NLGN4X: variants seen among roughly 807,000 people sequenced by gnomAD.
NLGN4X encodes neuroligin 4 X-linked, also known as neuroligin-4, X-linked.
A neutral mutation model predicts 40.3 loss-of-function variants in NLGN4X; 3 were observed. That is an observed-to-expected ratio of 0.07 (90% CI 0.03 to 0.19). The LOEUF (loss-of-function observed/expected upper bound fraction) is 0.19. Ranked by LOEUF, NLGN4X falls within the 10% of genes least tolerant of loss-of-function variation. The pLI, the probability that NLGN4X is intolerant of heterozygous loss-of-function variation, is 1.00. For synonymous variants in NLGN4X, 270 were observed against 306.8 expected, an observed-to-expected ratio of 0.88 and a Z score of 1.25; for missense variants, 382 against 708.3, an observed-to-expected ratio of 0.54 and a Z score of 5.23.
intron 2 of NLGN4X, among the ~76,000 whole-genome samples, chrX:6,082,333 C>T: frequency 9.4e-6 from 1 of 106,347 alleles, no homozygotes; most frequent in Non-Finnish European, 1.9e-5. Flanking sequence ...CCCAGGAATT[C>T]AAAAACAGCC....
chrX:5,978,966 GTT>G (rs2035292102), intron 3 of NLGN4X, among the ~76,000 whole-genome samples: 1 of 110,695 alleles, frequency 9.0e-6, no homozygotes, highest in East Asian at 2.8e-4. Flanking sequence ...GTGAGACTCT[GTT>G]TAAAATATAC....
intron 2 of NLGN4X, among the ~76,000 whole-genome samples, chrX:6,125,356 G>A (rs2039517588): frequency 9.1e-6 from 1 of 110,260 alleles, no homozygotes; most frequent in South Asian, 3.8e-4. Context: ...CTAGTTTATC[G>A]AAAAGCTTAA....
At chrX:6,159,501 G>A (rs1203769909) in intron 1 of NLGN4X, among the ~76,000 whole-genome samples, 1 of 111,854 alleles carries the variant, frequency 8.9e-6, no homozygotes, top group African/African-American at 3.2e-5. Flanking sequence ...AACTATCTTG[G>A]ATTTAAAAAT....
chrX:6,007,702 A>G (rs7886545), intron 3 of NLGN4X, among the ~76,000 whole-genome samples: 8,237 of 111,440 alleles, frequency 0.074, 699 homozygotes, highest in African/African-American at 0.24. Flanking sequence ...CCATATGACA[A>G]ATGGAATGGA....
At chrX:6,091,515 T>TA (rs1238966883) in intron 2 of NLGN4X, among the ~76,000 whole-genome samples, 1 of 111,441 alleles carries the variant, frequency 9.0e-6, no homozygotes, top group African/African-American at 3.3e-5. Context: ...CTTAGAGTAT[T>TA]AAAGGAGATT....
intron 2 of NLGN4X, among the ~76,000 whole-genome samples, chrX:6,145,505 T>C (rs1187737323): frequency 8.9e-6 from 1 of 111,975 alleles, no homozygotes; most frequent in Non-Finnish European, 1.9e-5. Context: ...ATTTCCATTT[T>C]TTCCCTCAAA....
intron 1 of NLGN4X, among the ~76,000 whole-genome samples, chrX:6,212,491 G>A (rs1007469677): frequency 9.0e-6 from 1 of 111,211 alleles, no homozygotes. Flanking sequence ...CCTGATCAAT[G>A]GGGTCCTCTG....
At chrX:5,987,420 A>C (rs184395790) in intron 3 of NLGN4X, among the ~76,000 whole-genome samples, 1 of 112,918 alleles carries the variant, frequency 8.9e-6, no homozygotes, top group Admixed American at 9.3e-5. Flanking sequence ...GATGGAAACT[A>C]TATTTCTTCA....
intron 3 of NLGN4X, among the ~76,000 whole-genome samples, chrX:6,021,002 TTCTCTCTCTCTCTC>T (rs869309615): frequency 1.1e-3 from 26 of 24,093 alleles, no homozygotes; most frequent in East Asian, 2.6e-3. Context: ...CTTCCTTCTT[TTCTCTCTCTCTCTC>T]TCTCTCTCTC....
chrX:5,950,362 T>C (rs866732862), intron 3 of NLGN4X, among the ~76,000 whole-genome samples: 3 of 112,241 alleles, frequency 2.7e-5, no homozygotes, highest in Middle Eastern at 9.2e-3. Context: ...TTTATAAATA[T>C]TGGGATACAT....
chrX:6,082,797 G>C (rs1289294677), intron 2 of NLGN4X, among the ~76,000 whole-genome samples: 1 of 108,824 alleles, frequency 9.2e-6, no homozygotes, highest in Non-Finnish European at 1.9e-5. Flanking sequence ...TGAGCTGTTT[G>C]TTCCAAGGGG....
intron 3 of NLGN4X, among the ~76,000 whole-genome samples, chrX:6,000,198 C>CT (rs2035937944): frequency 8.9e-6 from 1 of 112,217 alleles, no homozygotes; most frequent in South Asian, 3.7e-4. Context: ...CACAACTCCT[C>CT]TTTTTTCCAG....
Position 6,215,471 on chromosome X carries a change from C to T in NLGN4X, c.-306+13070G>A, listed in dbSNP as rs934255485. Among the ~76,000 whole-genome samples, 6 of 108,899 alleles carry T rather than the reference C, an allele frequency of 5.5e-5. No individual in the cohort carries two copies. In the East Asian group the frequency reaches 1.1e-3, roughly 21 times the overall value. The allele number at this position is 108,899 out of a possible 115,157, so 94.6% of individuals were successfully genotyped here. On this transcript the variant is annotated intron_variant, in intron 1 of 5. Transcript: ENST00000381095. Reference sequence around the variant, plus strand: ...GACTGAGGCAGGAGAAACACTTGAACCTGGGAGGCAGAGGTTGCGGTGAGC... The same window carrying T: ...GACTGAGGCAGGAGAAACACTTGAATCTGGGAGGCAGAGGTTGCGGTGAGC...
In NLGN4X at chrX:6,096,401, G is replaced by A. The variant is rs142111512; in HGVS notation, c.472+54594C>T. 4.1e-3 allele frequency among the ~76,000 whole-genome samples: 463 copies of A among 111,661 alleles called. 1 individual carries two copies. Among genetic ancestry groups the A allele is most frequent in the African/African-American group, 0.014 (435 of 30,766 alleles). On this transcript the variant is annotated intron_variant, in intron 2 of 5. Coordinates refer to ENST00000381095, the MANE Select transcript of NLGN4X (RefSeq NM_181332.3). ...ATCTGAAATCACAGCCATCAAAAATGCACTCTATAATGCCCCCGATAAAAT... is the reference window on the plus strand; with the variant it reads ...ATCTGAAATCACAGCCATCAAAAATACACTCTATAATGCCCCCGATAAAAT...
intron 3 of NLGN4X, among the ~76,000 whole-genome samples, chrX:6,022,392 C>T (rs2036580471): frequency 9.0e-6 from 1 of 111,572 alleles, no homozygotes; most frequent in Non-Finnish European, 1.9e-5. Flanking sequence ...CAAATAAAAT[C>T]CTTCATAAAG....
intron 2 of NLGN4X, among the ~76,000 whole-genome samples, chrX:6,141,602 T>C (rs2039948464): frequency 9.0e-6 from 1 of 111,110 alleles, no homozygotes; most frequent in Admixed American, 9.6e-5. Context: ...GGCAGGAGGA[T>C]CACCTGAGGT....
chrX:6,082,119 A>G (rs2038363438), intron 2 of NLGN4X, among the ~76,000 whole-genome samples: 1 of 112,469 alleles, frequency 8.9e-6, no homozygotes, highest in Non-Finnish European at 1.9e-5. Context: ...AATTGTCTCA[A>G]GGTTACCCTA....
chrX:6,043,544 T>C (rs779882375), intron 2 of NLGN4X, among the ~76,000 whole-genome samples: 112 of 111,744 alleles, frequency 1.0e-3, no homozygotes, highest in African/African-American at 3.4e-3. Context: ...ACAGGACTTT[T>C]TGGTGGTGTG....
intron 3 of NLGN4X, among the ~76,000 whole-genome samples, chrX:5,988,099 C>T (rs773366396): frequency 9.0e-6 from 1 of 111,572 alleles, no homozygotes; most frequent in African/African-American, 3.3e-5. Context: ...AGGGGTACTG[C>T]AAAAGCCTTA....
Sources: allele counts gnomAD v4.1 joint callset (sites outside exome capture counted in the v4.1 genomes callset), GRCh38; gene constraint gnomAD v4.1.1; transcripts MANE v1.5; gene names NCBI Gene and HGNC (gene_info 2026-07-23, HGNC 2026-07-21).